Variants in ZFHX3 observed in about 807,000 individuals in gnomAD.
ZFHX3 encodes zinc finger homeobox 3.
Under a neutral mutation model 279.1 loss-of-function variants are expected in ZFHX3, and 42 were observed. The observed-to-expected ratio is 0.15, with a 90% CI of 0.12 to 0.19. The LOEUF (loss-of-function observed/expected upper bound fraction) is 0.19. Ranked by LOEUF, ZFHX3 falls within the 10% of genes least tolerant of loss-of-function variation. The pLI, the probability that ZFHX3 is intolerant of heterozygous loss-of-function variation, is 1.00. For synonymous variants in ZFHX3, 2,293 were observed against 1,957.8 expected, an observed-to-expected ratio of 1.17 and a Z score of -4.52; for missense variants, 4,981 against 4,754.0, an observed-to-expected ratio of 1.05 and a Z score of -1.40.
chr16:73,473,428 G>T (rs1485452464), intron 2 of ZFHX3, among the ~76,000 whole-genome samples: 2 of 151,894 alleles, frequency 1.3e-5, no homozygotes, highest in East Asian at 3.9e-4. Flanking sequence ...ATTTGAATGG[G>T]AGGGGAGGCG....
At chr16:73,622,032 T>G (rs1367383699) in intron 2 of ZFHX3, among the ~76,000 whole-genome samples, 1 of 152,204 alleles carries the variant, frequency 6.6e-6, no homozygotes, top group Non-Finnish European at 1.5e-5. Flanking sequence ...TTTTCCCCTT[T>G]GTTTCTGTTT....
Position 72,927,750 on chromosome 16 carries a change from C to T in ZFHX3, c.3216+22719G>A, listed in dbSNP as rs139764475. ...TCCCAGCATTGTGCTCCCTCCAGCGCGCTCTCCCCCACCAAAAACCCTGAG... is the reference window on the plus strand; with the variant it reads ...TCCCAGCATTGTGCTCCCTCCAGCGTGCTCTCCCCCACCAAAAACCCTGAG... On this transcript the variant is annotated intron_variant, in intron 3 of 9. Transcript: ENST00000268489. Among the ~76,000 whole-genome samples, 17 of 152,142 alleles carry T rather than the reference C, an allele frequency of 1.1e-4. No homozygotes were observed. In the East Asian group the frequency reaches 1.6e-3, roughly 14 times the overall value.
intron 3 of ZFHX3, among the ~76,000 whole-genome samples, chr16:73,350,619 T>G (rs2016222489): frequency 6.6e-6 from 1 of 152,234 alleles, no homozygotes; most frequent in Non-Finnish European, 1.5e-5. Flanking sequence ...TGGCCCTATG[T>G]GGGATTTCTC....
chr16:73,376,411 G>A (rs958172093), intron 3 of ZFHX3, among the ~76,000 whole-genome samples: 4 of 152,056 alleles, frequency 2.6e-5, no homozygotes, highest in African/African-American at 4.8e-5. Context: ...CACTCAGCTC[G>A]TCCGTAGAAT....
At chr16:72,819,144 A>G (rs1358327222) in intron 5 of ZFHX3, among the ~76,000 whole-genome samples, 1 of 152,186 alleles carries the variant, frequency 6.6e-6, no homozygotes, top group Non-Finnish European at 1.5e-5. Context: ...GGTGTTACTT[A>G]TTAAGCAGTT....
intron 1 of ZFHX3, among the ~76,000 whole-genome samples, chr16:73,702,556 C>A (rs1212786584): frequency 1.3e-5 from 2 of 152,140 alleles, no homozygotes; most frequent in African/African-American, 4.8e-5. Context: ...GAGATTAGTG[C>A]CCCGAAATAT....
chr16:73,891,859 C>A (rs2030549900), exon 1 of ZFHX3: 1 of 151,694 alleles, frequency 6.6e-6, no homozygotes, highest in Admixed American at 6.6e-5. Flanking sequence ...GTCAAGGAAG[C>A]ATCATGAAGT....
intron 1 of ZFHX3, among the ~76,000 whole-genome samples, chr16:73,758,618 G>A (rs184285644): frequency 2.0e-5 from 3 of 152,192 alleles, no homozygotes; most frequent in Non-Finnish European, 4.4e-5. Context: ...AAGAGCTAGG[G>A]GAAGGATAAG....
rs546528384 is a variant in ZFHX3, at chr16:73,201,899, G to T, written c.-1104+55148C>A. ...GAAAGAATTGCTGCCTGTCCTTCAT[G>T]CTTCCTACATATTGATGAATGAAAG... On this transcript the variant is annotated intron_variant, in intron 5 of 17. Coordinates refer to the ZFHX3 transcript ENST00000641206. 4.6e-5 allele frequency among the ~76,000 whole-genome samples: 7 copies of T among 152,288 alleles called. No homozygotes were observed. The East Asian group carries it at 1.4e-3, about 29-fold the overall frequency.
intron 2 of ZFHX3, among the ~76,000 whole-genome samples, chr16:73,676,778 T>A (rs1455433705): frequency 6.7e-6 from 1 of 149,212 alleles, no homozygotes; most frequent in Non-Finnish European, 1.5e-5. Context: ...CGAGTGAACA[T>A]ACACTAAAGA....
chr16:73,199,661 A>T (rs966536586), intron 5 of ZFHX3, among the ~76,000 whole-genome samples: 5 of 152,222 alleles, frequency 3.3e-5, no homozygotes, highest in African/African-American at 9.6e-5. Context: ...CACTGAGTCC[A>T]CTAGAGAGAG....
intron 3 of ZFHX3, among the ~76,000 whole-genome samples, chr16:73,418,473 C>T (rs2017643276): frequency 6.6e-6 from 1 of 152,198 alleles, no homozygotes; most frequent in African/African-American, 2.4e-5. Context: ...TGTGTTTGTT[C>T]TACATAGTGT....
chr16:73,271,453 G>A (rs1047182973), intron 4 of ZFHX3, among the ~76,000 whole-genome samples: 8 of 152,192 alleles, frequency 5.3e-5, no homozygotes, highest in Non-Finnish European at 7.3e-5. Flanking sequence ...AGCACAGCAA[G>A]CTGTCAAGAG....
chr16:73,493,125 C>T (rs981521008), intron 2 of ZFHX3, among the ~76,000 whole-genome samples: 2 of 151,898 alleles, frequency 1.3e-5, no homozygotes, highest in South Asian at 2.1e-4. Flanking sequence ...TAATTAATGT[C>T]TCCTCTCTGT....
intron 1 of ZFHX3, among the ~76,000 whole-genome samples, chr16:73,791,128 C>G (rs1035759254): frequency 2.6e-5 from 4 of 152,138 alleles, no homozygotes; most frequent in Admixed American, 2.6e-4. Context: ...CCACACCTGG[C>G]TAATTTTTCT....
At chr16:72,865,858 G>A (rs1784184839) in intron 4 of ZFHX3, among the ~76,000 whole-genome samples, 1 of 152,156 alleles carries the variant, frequency 6.6e-6, no homozygotes, top group South Asian at 2.1e-4. Flanking sequence ...CTCCTTTGAG[G>A]CATGAACTCT....
intron 1 of ZFHX3, among the ~76,000 whole-genome samples, chr16:73,776,152 C>T (rs1486718240): frequency 6.6e-6 from 1 of 152,132 alleles, no homozygotes; most frequent in African/African-American, 2.4e-5. Flanking sequence ...TTCATTTTTT[C>T]ATGTTGCAAA....
At chr16:73,496,723 A>T (rs2019148529) in intron 2 of ZFHX3, among the ~76,000 whole-genome samples, 1 of 152,060 alleles carries the variant, frequency 6.6e-6, no homozygotes, top group African/African-American at 2.4e-5. Flanking sequence ...TCCCAGTGCA[A>T]ACTATATTTC....
intron 3 of ZFHX3, among the ~76,000 whole-genome samples, chr16:73,442,752 G>C (rs2018116373): frequency 3.3e-5 from 5 of 152,066 alleles, no homozygotes; most frequent in Admixed American, 3.3e-4. Flanking sequence ...TTGAATAAAG[G>C]GGAGCACCAT....
Sources: allele counts gnomAD v4.1 joint callset (sites outside exome capture counted in the v4.1 genomes callset), GRCh38; gene constraint gnomAD v4.1.1; transcripts MANE v1.5; gene names NCBI Gene and HGNC (gene_info 2026-07-23, HGNC 2026-07-21).